The following QPCT variants were observed in gnomAD, a reference collection of about 807,000 sequenced individuals.
QPCT encodes the protein glutaminyl-peptide cyclotransferase, also known as EC.
QPCT carries 44 observed loss-of-function variants against 43.4 expected under a neutral mutation model. That is an observed-to-expected ratio of 1.01 (90% confidence interval 0.80 to 1.30). The LOEUF (loss-of-function observed/expected upper bound fraction) is 1.30, where lower values mean the gene tolerates loss of function less well. QPCT is among the 50% of genes most tolerant of loss of function. The pLI is 0.00. For missense variants in QPCT, 526 were observed against 436.5 expected (o/e 1.21, Z -1.83); for synonymous variants, 168 against 168.4 (o/e 1.00, Z 0.02).
chr2:37,352,059 A>G (rs1366921557), intron 1 of QPCT, among the ~76,000 whole-genome samples: 2 of 152,016 alleles, frequency 1.3e-5, no homozygotes, highest in African/African-American at 2.4e-5. Flanking sequence ...TGAAAGAAAC[A>G]TATGTAATTT....
chr2:37,365,894 G>C (rs1421641153), intron 3 of QPCT, among the ~76,000 whole-genome samples: 1 of 152,200 alleles, frequency 6.6e-6, no homozygotes, highest in African/African-American at 2.4e-5. Context: ...GCCAATGTGA[G>C]GTTTGTGGTC....
At chr2:37,361,394 G>C (rs965469907) in intron 3 of QPCT, among the ~76,000 whole-genome samples, 1 of 152,180 alleles carries the variant, frequency 6.6e-6, no homozygotes, top group Non-Finnish European at 1.5e-5. Context: ...TCCTTTGCCT[G>C]GTAACTTTGC....
At chr2:37,367,162 A>T in intron 3 of QPCT, 70 bp from the exon 4 acceptor site, 1 of 1,474,278 alleles carries the variant, frequency 6.8e-7, no homozygotes, top group Non-Finnish European at 9.2e-7. Flanking sequence ...TTGCCCAATT[A>T]ATAGAAAATC....
intron 3 of QPCT, among the ~76,000 whole-genome samples, chr2:37,364,615 G>C (rs908095277): frequency 6.6e-6 from 1 of 152,226 alleles, no homozygotes; most frequent in Non-Finnish European, 1.5e-5. Flanking sequence ...TGCGATGTTT[G>C]TGTACATGGA....
chr2:37,347,142 T>TTTTTTATA (rs2124929758), intron 1 of QPCT, among the ~76,000 whole-genome samples: 1 of 7,592 alleles, frequency 1.3e-4, no homozygotes, highest in East Asian at 0.071. Flanking sequence ...GTATGGGGTG[T>TTTTTTATA]TTTATATATA....
intron 5 of QPCT, among the ~76,000 whole-genome samples, chr2:37,371,483 A>G (rs998287030): frequency 3.3e-5 from 5 of 150,528 alleles, no homozygotes; most frequent in African/African-American, 1.2e-4. Flanking sequence ...TAAAGGAATT[A>G]TAAGTATCAA....
chr2:37,364,217 C>G (rs1162090120), intron 3 of QPCT, among the ~76,000 whole-genome samples: 5 of 151,974 alleles, frequency 3.3e-5, no homozygotes, highest in African/African-American at 1.2e-4. Flanking sequence ...GTATTTTTGC[C>G]CTAGAAGTTG....
At chr2:37,372,603 C>T in intron 6 of QPCT, 79 bp from the exon 7 acceptor site, 1 of 1,513,078 alleles carries the variant, frequency 6.6e-7, no homozygotes, top group Non-Finnish European at 9.1e-7. Context: ...TACAGAGCTC[C>T]CTCTGCTTGA....
At chr2:37,369,856 A>T (rs1426649088) in intron 5 of QPCT, 72 bp downstream of exon 5, 6 of 1,404,750 alleles carry the variant, frequency 4.3e-6, no homozygotes, top group Non-Finnish European at 6.0e-6. Flanking sequence ...TTTAACATTT[A>T]AAATTTATAA....
chr2:37,349,679 G>A (rs529102941), intron 1 of QPCT, among the ~76,000 whole-genome samples: 73 of 152,228 alleles, frequency 4.8e-4, no homozygotes, highest in Non-Finnish European at 8.2e-4. Context: ...GCTCTTCATC[G>A]TCAGAAGCAT....
At chr2:37,365,988 A>T (rs569797752) in intron 3 of QPCT, among the ~76,000 whole-genome samples, 9 of 152,344 alleles carry the variant, frequency 5.9e-5, no homozygotes, top group African/African-American at 1.9e-4. Flanking sequence ...GGCACAAAGT[A>T]GGTAGAGTAT....
rs781770095 is a variant in QPCT, at chr2:37,359,731, A to G, written c.419A>G (p.His140Arg). The G allele has an allele frequency of 3.1e-6, 5 of 1,614,058 alleles. No individual in the cohort carries two copies. The highest frequency in any genetic ancestry group is 2.5e-6 in the Non-Finnish European group (3 of 1,180,028). ...TAKRHLVLAC[H>R]YDSKYFSHWN... ...AAACGACATTTGGTCCTCGCCTGCC[A>G]CTATGACTCCAAGTATTTTTCCCAC... is the stretch of plus-strand genomic sequence containing the variant. The change falls in exon 3 of 7, where the codon CAC becomes CGC. Residue 140 changes from histidine to arginine, a missense_variant. Coordinates refer to ENST00000338415, the MANE Select transcript of QPCT (RefSeq NM_012413.4).
chr2:37,360,346 C>G (rs1164028529), intron 3 of QPCT, among the ~76,000 whole-genome samples: 1 of 152,060 alleles, frequency 6.6e-6, no homozygotes, highest in Non-Finnish European at 1.5e-5. Context: ...AGCAGAAATG[C>G]ATTATTGTTA....
At chr2:37,370,355 C>T (rs1451686958) in intron 5 of QPCT, among the ~76,000 whole-genome samples, 1 of 148,446 alleles carries the variant, frequency 6.7e-6, no homozygotes, top group Non-Finnish European at 1.5e-5. Context: ...TAAAATACTA[C>T]ATTTCATGTT....
intron 1 of QPCT, among the ~76,000 whole-genome samples, chr2:37,347,167 A>ATATATATATAT (rs1572726461): frequency 3.6e-5 from 1 of 27,480 alleles, no homozygotes; most frequent in African/African-American, 2.2e-4. Context: ...TATATATAAC[A>ATATATATATAT]TATATATATA....
At chr2:37,364,520 G>A (rs1334529329) in intron 3 of QPCT, among the ~76,000 whole-genome samples, 1 of 152,184 alleles carries the variant, frequency 6.6e-6, no homozygotes, top group Non-Finnish European at 1.5e-5. Flanking sequence ...GACATATTAG[G>A]CTCAAAGAAA....
chr2:37,359,203 T>A (rs1393525277), intron 2 of QPCT, among the ~76,000 whole-genome samples: 1 of 152,220 alleles, frequency 6.6e-6, no homozygotes. Flanking sequence ...ATTCTTTTCC[T>A]ACAAAAACAT....
Position 37,344,754 on chromosome 2 carries a change from G to C in QPCT, c.23G>C (p.Arg8Pro), listed in dbSNP as rs1672442805. 1 of 1,606,352 alleles carries C rather than the reference G, an allele frequency of 6.2e-7. No individual in the cohort carries two copies. The highest frequency in any genetic ancestry group is 1.7e-5 in the Admixed American group (1 of 59,332). ...GAGATGGCAGGCGGAAGACACCGGC[G>C]CGTCGTGGGCACCCTCCACCTGCTG... The part of the protein sequence containing the change: MAGGRHR[R>P]VVGTLHLLLL... The change falls in exon 1 of 7, where the codon CGC becomes CCC. Residue 8 changes from arginine to proline, a missense_variant. Arg to Pro is a moderately radical substitution (Grantham distance 103). Transcript: ENST00000338415.
At chr2:37,354,747 G>A (rs1477149387) in intron 2 of QPCT, among the ~76,000 whole-genome samples, 1 of 152,042 alleles carries the variant, frequency 6.6e-6, no homozygotes, top group Non-Finnish European at 1.5e-5. Flanking sequence ...CATTTAATTG[G>A]CATTTTCCAA....
Sources: allele counts gnomAD v4.1 joint callset (sites outside exome capture counted in the v4.1 genomes callset), GRCh38; gene constraint gnomAD v4.1.1; transcripts MANE v1.5; gene names NCBI Gene and HGNC (gene_info 2026-07-23, HGNC 2026-07-21).